Variants in EHD1 observed in about 807,000 individuals in gnomAD.
EHD1 encodes the protein EH domain-containing protein 1.
Under a neutral mutation model 39.0 loss-of-function variants are expected in EHD1, and 19 were observed. The observed-to-expected ratio is 0.49, with a 90% CI of 0.34 to 0.72. The LOEUF (loss-of-function observed/expected upper bound fraction) is 0.72. Ranked by LOEUF, EHD1 falls within the 30% of genes least tolerant of loss-of-function variation. The pLI, the probability that EHD1 is intolerant of heterozygous loss-of-function variation, is 0.01. For synonymous variants in EHD1, 323 were observed against 331.2 expected (o/e 0.98, Z 0.27); for missense variants, 542 against 751.5 (o/e 0.72, Z 3.26).
Position 64,858,190 on chromosome 11 carries a change from C to CTTT in EHD1, c.915+1731_915+1733dup, listed in dbSNP as rs10674960. ...TGCCTGGCCAGAGCCTATTTCTTTT[C>CTTT]TTTTTTTTTGAGACAGAGTCTTGCT... is the stretch of plus-strand genomic sequence containing the variant. On this transcript the variant is annotated intron_variant, in intron 3 of 4. Coordinates refer to ENST00000320631, the MANE Select transcript of EHD1 (RefSeq NM_006795.4). Among the ~76,000 whole-genome samples, 18 of 142,526 alleles carry CTTT rather than the reference C, an allele frequency of 1.3e-4. 1 individual carries two copies. The highest frequency in any genetic ancestry group is 1.4e-4 in the Non-Finnish European group (9 of 65,838). 93.5% of individuals were successfully genotyped at this position (142,526 alleles called of 152,430 possible).
intron 2 of EHD1, among the ~76,000 whole-genome samples, chr11:64,871,083 T>TCAGGAGGGGC (rs1169902338): frequency 1.3e-5 from 2 of 152,010 alleles, no homozygotes; most frequent in Non-Finnish European, 2.9e-5. Flanking sequence ...GGAAAAAAAG[T>TCAGGAGGGGC]CAGGAGGGGC....
chr11:64,877,315 G>T (rs1943895704), intron 1 of EHD1, among the ~76,000 whole-genome samples: 1 of 152,210 alleles, frequency 6.6e-6, no homozygotes, highest in Non-Finnish European at 1.5e-5. Flanking sequence ...CACTTAACTG[G>T]AAAAGTGAGG....
chr11:64,870,606 C>G (rs1285706170), intron 2 of EHD1, among the ~76,000 whole-genome samples: 2 of 152,214 alleles, frequency 1.3e-5, no homozygotes, highest in African/African-American at 4.8e-5. Context: ...GATTGAGACA[C>G]AAAAACTCCC....
At chr11:64,859,738 GTT>G (rs1943691982) in intron 3 of EHD1, 184 bp downstream of exon 3, 1 of 814,536 alleles carries the variant, frequency 1.2e-6, no homozygotes, top group Admixed American at 3.0e-5. Context: ...GAGAATCTTA[GTT>G]AAGAGCAGGC....
chr11:64,865,410 C>T (rs958571489), intron 2 of EHD1, among the ~76,000 whole-genome samples: 4 of 152,258 alleles, frequency 2.6e-5, no homozygotes, highest in African/African-American at 4.8e-5. Context: ...CCAGCACCCC[C>T]GGCACTGCCC....
At chr11:64,862,213 C>T (rs1343755140) in intron 2 of EHD1, among the ~76,000 whole-genome samples, 2 of 152,212 alleles carry the variant, frequency 1.3e-5, no homozygotes, top group African/African-American at 2.4e-5. Flanking sequence ...GGATTCTAAA[C>T]TCTATTCTAT....
Position 64,878,600 on chromosome 11 carries a change from G to A in EHD1, c.-136C>T, listed in dbSNP as rs116971067. ...ACTGCGCAGGCGCACAGCCCAGCCC[G>A]TCGAAGCGCCCTCTGCCGAATGCTG... On this transcript the variant is annotated 5_prime_UTR_variant, in exon 1 of 5. It adds an upstream start codon to the 5' untranslated region. Coordinates refer to ENST00000320631, the MANE Select transcript of EHD1 (RefSeq NM_006795.4). The A allele has an allele frequency of 5.6e-6, 8 of 1,425,164 alleles. No individual in the cohort carries two copies. Among genetic ancestry groups the A allele is most frequent in the African/African-American group, 2.9e-5 (2 of 68,436 alleles). The allele number at this position is 1,425,164 out of a possible 1,614,324, so 88.3% of individuals were successfully genotyped here.
chr11:64,866,443 CGCA>C (rs1177318347), intron 2 of EHD1, among the ~76,000 whole-genome samples: 1 of 152,138 alleles, frequency 6.6e-6, no homozygotes, highest in Non-Finnish European at 1.5e-5. Context: ...CGCTTGTAAT[CGCA>C]GCACTCTGGG....
At position 64,854,300 on chromosome 11, in the gene EHD1, G is replaced by T. The variant is rs575944576; in HGVS notation, c.*33C>A. 41 of 1,567,240 alleles carry T rather than the reference G, an allele frequency of 2.6e-5. No individual in the cohort carries two copies. The highest frequency in any genetic ancestry group is 1.6e-4 in the South Asian group (14 of 87,084). ...CCCCCCGTCTCTGCCTCCCGGCCGG[G>T]CGTGCAAATGGCAGGTGCGGGGCCG... is the stretch of plus-strand genomic sequence containing the variant. On this transcript the variant is annotated 3_prime_UTR_variant, in exon 5 of 5. Coordinates refer to ENST00000320631, the MANE Select transcript of EHD1 (RefSeq NM_006795.4).
chr11:64,861,120 A>G, intron 2 of EHD1, among the ~76,000 whole-genome samples: 1 of 150,846 alleles, frequency 6.6e-6, no homozygotes. Context: ...CAGGAGGCAG[A>G]GGTTGCAGTG....
chr11:64,859,035 G>C (rs1442086001), intron 3 of EHD1, among the ~76,000 whole-genome samples: 1 of 152,150 alleles, frequency 6.6e-6, no homozygotes, highest in Non-Finnish European at 1.5e-5. Flanking sequence ...CTCCTGCCAG[G>C]CCCCCCCAGC....
At chr11:64,874,830 G>C (rs1307481035) in intron 1 of EHD1, among the ~76,000 whole-genome samples, 1 of 152,192 alleles carries the variant, frequency 6.6e-6, no homozygotes, top group African/African-American at 2.4e-5. Flanking sequence ...GCAAGCCTAG[G>C]TCACCATTCA....
intron 3 of EHD1, chr11:64,855,818 A>G: frequency 2.9e-6 from 1 of 340,584 alleles, no homozygotes; most frequent in Non-Finnish European, 5.6e-6. Context: ...AAAGAAGGCA[A>G]TTTGTCGTGT....
chr11:64,867,555 C>T (rs1485427894), intron 2 of EHD1, among the ~76,000 whole-genome samples: 1 of 152,080 alleles, frequency 6.6e-6, no homozygotes, highest in Non-Finnish European at 1.5e-5. Flanking sequence ...CCTGTCTCTA[C>T]TAAAAATACA....
intron 2 of EHD1, among the ~76,000 whole-genome samples, chr11:64,871,846 T>C (rs1289567878): frequency 6.6e-6 from 1 of 152,210 alleles, no homozygotes; most frequent in Non-Finnish European, 1.5e-5. Flanking sequence ...TGCTGGCTTG[T>C]TCCTCCAACC....
chr11:64,856,883 G>C (rs1331259893), intron 3 of EHD1, among the ~76,000 whole-genome samples: 1 of 152,210 alleles, frequency 6.6e-6, no homozygotes, highest in Non-Finnish European at 1.5e-5. Flanking sequence ...AGTCACACAT[G>C]GTCTCACAGA....
chr11:64,862,825 G>C (rs1943729056), intron 2 of EHD1, among the ~76,000 whole-genome samples: 2 of 152,178 alleles, frequency 1.3e-5, no homozygotes, highest in South Asian at 4.1e-4. Context: ...AGTGAGCCGT[G>C]ATCATGCCAC....
Position 64,852,127 on chromosome 11 carries a change from A to G in EHD1, c.*2206T>C, listed in dbSNP as rs1476578976. The stretch of plus-strand genomic sequence containing the variant: ...AGAGGGGCTGGAGCAGCCTCTACCC[A>G]TGGCACCTCAAGTCTGCACCCTTTT... On this transcript the variant is annotated 3_prime_UTR_variant, in exon 5 of 5. Transcript: ENST00000320631. The G allele has an allele frequency of 2.0e-5, 3 of 152,180 alleles. No individual in the cohort carries two copies. The highest frequency in any genetic ancestry group is 6.6e-5 in the Admixed American group (1 of 15,266). The allele number at this position is 152,180 out of a possible 1,614,324, so 9.4% of individuals were successfully genotyped here.
intron 2 of EHD1, among the ~76,000 whole-genome samples, chr11:64,863,404 G>T (rs1404794181): frequency 6.6e-6 from 1 of 152,210 alleles, no homozygotes; most frequent in Non-Finnish European, 1.5e-5. Context: ...CGCCCACGGT[G>T]ATGGGAGGGC....
Sources: allele counts gnomAD v4.1 joint callset (sites outside exome capture counted in the v4.1 genomes callset), GRCh38; gene constraint gnomAD v4.1.1; transcripts MANE v1.5; gene names NCBI Gene and HGNC (gene_info 2026-07-23, HGNC 2026-07-21).